CBFA2T2: variants seen among roughly 807,000 people sequenced by gnomAD.
The protein encoded by CBFA2T2 is CBFA2/RUNX1 partner transcriptional co-repressor 2, also known as protein CBFA2T2.
Under a neutral mutation model 62.2 loss-of-function variants are expected in CBFA2T2, and 11 were observed. The ratio of observed to expected loss-of-function variants is 0.18; its 90% CI spans 0.11 to 0.29. The LOEUF (loss-of-function observed/expected upper bound fraction) is 0.29. Ranked by LOEUF, CBFA2T2 falls within the 10% of genes least tolerant of loss-of-function variation. The pLI is 1.00. For synonymous variants in CBFA2T2, 295 were observed against 287.5 expected (o/e 1.03, Z -0.27); for missense variants, 592 against 774.1 (o/e 0.76, Z 2.79).
chr20:33,519,820 G>A (rs1352121652), intron 1 of CBFA2T2, among the ~76,000 whole-genome samples: 1 of 152,132 alleles, frequency 6.6e-6, no homozygotes, highest in Admixed American at 6.6e-5. Flanking sequence ...TGGTGTCTCA[G>A]AGGGTGTCTA....
intron 1 of CBFA2T2, among the ~76,000 whole-genome samples, chr20:33,527,159 T>G (rs1002479660): frequency 6.6e-6 from 1 of 152,116 alleles, no homozygotes. Flanking sequence ...CTCTTAATTA[T>G]AGTTTTTTAA....
intron 1 of CBFA2T2, among the ~76,000 whole-genome samples, chr20:33,497,044 C>CCGGCAGATCACCTGAGGT (rs1405480548): frequency 3.9e-5 from 6 of 151,946 alleles, no homozygotes; most frequent in Middle Eastern, 3.2e-3. Context: ...GAGGCTGAGG[C>CCGGCAGATCACCTGAGGT]CGGCAGATCA....
At chr20:33,547,687 A>ATGTGTGTGTGTGTGTG (rs60988030) in intron 1 of CBFA2T2, among the ~76,000 whole-genome samples, 5 of 139,070 alleles carry the variant, frequency 3.6e-5, no homozygotes, top group Non-Finnish European at 7.7e-5. Flanking sequence ...TCTCAAAAAA[A>ATGTGTGTGTGTGTGTG]TGTGTGTGTG....
At chr20:33,620,338 G>A (rs563002770) in intron 4 of CBFA2T2, among the ~76,000 whole-genome samples, 5 of 149,510 alleles carry the variant, frequency 3.3e-5, no homozygotes, top group East Asian at 2.0e-4. Flanking sequence ...CAAAACCCCC[G>A]TCTCTGCCAA....
chr20:33,503,270 T>A (rs1228771252), intron 1 of CBFA2T2, among the ~76,000 whole-genome samples: 2 of 146,682 alleles, frequency 1.4e-5, no homozygotes, highest in Admixed American at 1.4e-4. Flanking sequence ...TTTTTTTTTT[T>A]TTGAGATGGA....
At chr20:33,490,663 G>C (rs1286236894) in intron 1 of CBFA2T2, among the ~76,000 whole-genome samples, 1 of 152,222 alleles carries the variant, frequency 6.6e-6, no homozygotes, top group African/African-American at 2.4e-5. Context: ...ACACCCGCCC[G>C]ATGTTGAGGG....
chr20:33,567,957 G>C (rs1341392487), intron 1 of CBFA2T2, among the ~76,000 whole-genome samples: 1 of 152,142 alleles, frequency 6.6e-6, no homozygotes, highest in East Asian at 1.9e-4. Flanking sequence ...GTACTGTCTG[G>C]GGTTTCAGGC....
intron 4 of CBFA2T2, among the ~76,000 whole-genome samples, chr20:33,622,079 C>CAAA (rs2122330507): frequency 6.6e-6 from 1 of 152,138 alleles, no homozygotes; most frequent in South Asian, 2.1e-4. Context: ...GTGTTTTTTT[C>CAAA]AATTAAGTTT....
At chr20:33,617,434 T>A (rs567527131) in intron 3 of CBFA2T2, among the ~76,000 whole-genome samples, 1 of 152,270 alleles carries the variant, frequency 6.6e-6, no homozygotes, top group Admixed American at 6.5e-5. Context: ...GAGGAAGGTG[T>A]TTATCCCTCT....
At chr20:33,522,612 T>C (rs1163977739) in intron 1 of CBFA2T2, among the ~76,000 whole-genome samples, 3 of 152,050 alleles carry the variant, frequency 2.0e-5, no homozygotes, top group Non-Finnish European at 4.4e-5. Context: ...CTTCGTGATA[T>C]GTGCCTGTAG....
rs869281966 is a variant in CBFA2T2 at position 33,501,630 on chromosome 20, CTTTTTTTTTTTTT to C, written c.34+11345_34+11357del. On this transcript the variant is annotated intron_variant, in intron 1 of 10. Transcript: ENST00000342704. ...AGTTGAAACTATATTCTTAGCCTTC[CTTTTTTTTTTTTT>C]TTTTTTTTTTTTTTTGAGAGGGAGT... is the stretch of plus-strand genomic sequence containing the variant. 9.8e-3 allele frequency among the ~76,000 whole-genome samples: 619 copies of C among 63,272 alleles called. 9 individuals carry two copies. The South Asian group carries it at 0.11, about 11-fold the overall frequency. The allele number at this position is 63,272 out of a possible 152,430, so 41.5% of individuals were successfully genotyped here.
chr20:33,623,953 G>GT, intron 5 of CBFA2T2: 4 of 425,632 alleles, frequency 9.4e-6, no homozygotes, highest in Admixed American at 4.6e-5. Context: ...AGAAAGAATT[G>GT]GAAAAAAAAA....
At position 33,624,689 on chromosome 20, in the gene CBFA2T2, A is replaced by T. The variant is rs1440041727; in HGVS notation, c.693-75A>T. The T allele has an allele frequency of 2.6e-6, 4 of 1,511,792 alleles. No individual in the cohort carries two copies. The African/African-American group carries it at 5.5e-5, about 21-fold the overall frequency. 93.6% of individuals were successfully genotyped at this position (1,511,792 alleles called of 1,614,324 possible). ...CAGCATGTAGCAAAATACCTAATACATAGTAGGTTCTCAGGAAATGTCTGC... is the reference window on the plus strand; with the variant it reads ...CAGCATGTAGCAAAATACCTAATACTTAGTAGGTTCTCAGGAAATGTCTGC... On this transcript the variant is annotated intron_variant, in intron 5 of 10. Coordinates refer to ENST00000342704, the MANE Select transcript of CBFA2T2 (RefSeq NM_001032999.3).
rs370604124 is a variant in CBFA2T2 at position 33,636,637 on chromosome 20, C to T, written c.1229-3C>T. On this transcript the variant is annotated splice_region_variant and splice_polypyrimidine_tract_variant and intron_variant, in intron 8 of 10. Transcript: ENST00000342704. The stretch of plus-strand genomic sequence containing the variant: ...CCCTATGCTTTTTATGTCTCTTCTG[C>T]AGATTCTCAGAGAGAGTTCAACAGC... 37 of 1,611,676 alleles carry T rather than the reference C, an allele frequency of 2.3e-5. 1 individual carries two copies. Among genetic ancestry groups the T allele is most frequent in the African/African-American group, 2.3e-4 (17 of 74,850 alleles).
chr20:33,603,323 T>TA (rs995997131), intron 1 of CBFA2T2, among the ~76,000 whole-genome samples: 26 of 152,352 alleles, frequency 1.7e-4, no homozygotes, highest in South Asian at 4.1e-4. Flanking sequence ...AGGATATCCT[T>TA]AGCAAATTGC....
rs967384701 is a variant in CBFA2T2, at chr20:33,623,231, G to A, written c.627G>A (p.Ser209=). Residue 209 remains serine (S), a synonymous_variant, in exon 5 of 11, where the codon TCG becomes TCA. Coordinates refer to ENST00000342704, the MANE Select transcript of CBFA2T2 (RefSeq NM_001032999.3). ...TTCTGCTCAACACAAGCATTGCATC[G>A]CCTGCTGACTCGTCAGAGTTGCTCA... ...EHLLLNTSIA[S]PADSSELLME... The A allele has an allele frequency of 2.7e-5, 43 of 1,614,108 alleles. No homozygotes were observed. The highest frequency in any genetic ancestry group is 3.4e-5 in the Non-Finnish European group (40 of 1,180,038).
chr20:33,534,302 T>A (rs1454677354), intron 1 of CBFA2T2, among the ~76,000 whole-genome samples: 2 of 151,486 alleles, frequency 1.3e-5, no homozygotes, highest in Admixed American at 1.3e-4. Flanking sequence ...AATTACATTG[T>A]TTATTTTCTT....
chr20:33,582,266 G>C (rs1375995904), intron 1 of CBFA2T2, among the ~76,000 whole-genome samples: 1 of 151,916 alleles, frequency 6.6e-6, no homozygotes, highest in Non-Finnish European at 1.5e-5. Context: ...GCTGAGGTGG[G>C]TGGATCGTCT....
chr20:33,593,327 C>T (rs1169280631), intron 1 of CBFA2T2, among the ~76,000 whole-genome samples: 1 of 150,796 alleles, frequency 6.6e-6, no homozygotes, highest in Admixed American at 6.6e-5. Flanking sequence ...GAGATTCCGT[C>T]TCAAAAACAA....
Sources: gnomAD v4.1 joint callset for allele counts (sites outside exome capture counted in the v4.1 genomes callset) on GRCh38, gnomAD v4.1.1 for gene constraint, MANE v1.5 for transcripts, NCBI Gene and HGNC (gene_info 2026-07-23, HGNC 2026-07-21) for gene names.